STAMBPL1: variants seen among roughly 807,000 people sequenced by gnomAD.
STAMBPL1 encodes AMSH-like protease.
Under a neutral mutation model 52.9 loss-of-function variants are expected in STAMBPL1, and 44 were observed. The observed-to-expected ratio is 0.83, with a 90% confidence interval of 0.65 to 1.07. The LOEUF (loss-of-function observed/expected upper bound fraction) is 1.07, where lower values mean the gene tolerates loss of function less well. Ranked by LOEUF, STAMBPL1 falls within the 50% of genes least tolerant of loss-of-function variation. STAMBPL1 has a pLI of 0.00. For missense variants in STAMBPL1, 511 were observed against 520.8 expected, an observed-to-expected ratio of 0.98 and a Z score of 0.18; for synonymous variants, 164 against 177.3, an observed-to-expected ratio of 0.92 and a Z score of 0.60.
At chr10:88,907,870 A>G (rs1022751385) in intron 3 of STAMBPL1, among the ~76,000 whole-genome samples, 4 of 152,218 alleles carry the variant, frequency 2.6e-5, no homozygotes, top group African/African-American at 7.2e-5. Flanking sequence ...TGATGAGTAT[A>G]TGTGTGTATG....
intron 1 of STAMBPL1, chr10:88,881,940 G>C (rs953358261): frequency 2.6e-5 from 4 of 152,164 alleles, no homozygotes; most frequent in Non-Finnish European, 5.9e-5. Flanking sequence ...CACCATGAGA[G>C]CTTCTCCATT....
intron 5 of STAMBPL1, among the ~76,000 whole-genome samples, chr10:88,911,312 T>C (rs1845218496): frequency 1.3e-5 from 2 of 152,358 alleles, no homozygotes; most frequent in Non-Finnish European, 1.5e-5. Context: ...TTGAGCCAGA[T>C]GGCTGCTCTT....
chr10:88,885,125 C>A (rs751894074), intron 1 of STAMBPL1, among the ~76,000 whole-genome samples: 2 of 152,136 alleles, frequency 1.3e-5, no homozygotes, highest in African/African-American at 2.4e-5. Context: ...GCATCATAGG[C>A]TGGTAAATGA....
chr10:88,890,330 G>A (rs1489829589), intron 1 of STAMBPL1, among the ~76,000 whole-genome samples: 1 of 152,200 alleles, frequency 6.6e-6, no homozygotes, highest in Non-Finnish European at 1.5e-5. Flanking sequence ...GTTTTTAAAA[G>A]ATCACTACAG....
intron 1 of STAMBPL1, 46 bp from the exon 2 acceptor site, chr10:88,901,610 G>A: frequency 7.8e-7 from 1 of 1,276,828 alleles, no homozygotes; most frequent in Non-Finnish European, 1.1e-6. Context: ...TTTCAAACTT[G>A]GGTCTCAAAA....
chr10:88,917,995 G>A (rs1845411750), intron 8 of STAMBPL1, among the ~76,000 whole-genome samples: 2 of 151,938 alleles, frequency 1.3e-5, no homozygotes, highest in Non-Finnish European at 2.9e-5. Flanking sequence ...CTTTCACAAG[G>A]GTCTTAATAC....
Position 88,922,439 on chromosome 10 carries a change from G to A in STAMBPL1, c.1254+3G>A. 1.9e-6 allele frequency: 3 copies of A among 1,612,566 alleles called. No individual in the cohort carries two copies. The highest frequency in any genetic ancestry group is 2.5e-6 in the Non-Finnish European group (3 of 1,179,134). ...CCAAGGAGCCCAGGCTGTTCAGTGT[G>A]AGTACATCATATTAGTTATTTTTCC... is the stretch of plus-strand genomic sequence containing the variant. On this transcript the variant is annotated splice_donor_region_variant and intron_variant, in intron 10 of 10. Transcript: ENST00000371926.
At chr10:88,886,221 T>G (rs1409479902) in intron 1 of STAMBPL1, among the ~76,000 whole-genome samples, 1 of 152,222 alleles carries the variant, frequency 6.6e-6, no homozygotes, top group African/African-American at 2.4e-5. Context: ...ACATTGAAGA[T>G]GATAGATTTA....
At chr10:88,886,057 G>C (rs182451263) in intron 1 of STAMBPL1, among the ~76,000 whole-genome samples, 23 of 152,322 alleles carry the variant, frequency 1.5e-4, no homozygotes, top group Admixed American at 1.4e-3. Context: ...TATGTCAACA[G>C]TGTTACACAA....
At chr10:88,922,463 C>A in intron 10 of STAMBPL1, 27 bp downstream of exon 10, 1 of 1,603,070 alleles carries the variant, frequency 6.2e-7, no homozygotes, top group Non-Finnish European at 8.5e-7. Context: ...AGTTATTTTT[C>A]CAGGTATTTC....
rs564365021 is a variant in STAMBPL1 at position 88,909,596 on chromosome 10, A to ATTAT, written c.324+839_324+842dup. On this transcript the variant is annotated intron_variant, in intron 4 of 10. Transcript: ENST00000371926. The stretch of plus-strand genomic sequence containing the variant: ...CAGATTTTGTCAAATGGTCATCTAC[A>ATTAT]TTATTTATTTATTTATTTATTTAGA... Among the ~76,000 whole-genome samples the ATTAT allele has an allele frequency of 5.5e-3, 834 of 152,098 alleles. 6 individuals carry two copies. The highest frequency in any genetic ancestry group is 0.019 in the African/African-American group (795 of 41,500).
At chr10:88,884,385 G>A (rs558558673) in intron 1 of STAMBPL1, among the ~76,000 whole-genome samples, 2 of 152,152 alleles carry the variant, frequency 1.3e-5, no homozygotes, top group African/African-American at 4.8e-5. Context: ...ATTTGAGGTG[G>A]TAGCCAATTG....
chr10:88,903,867 T>C (rs1301930097), intron 2 of STAMBPL1, among the ~76,000 whole-genome samples: 1 of 152,230 alleles, frequency 6.6e-6, no homozygotes, highest in Non-Finnish European at 1.5e-5. Flanking sequence ...TAATGAAGCC[T>C]TGAGAAACAA....
chr10:88,897,963 A>G (rs1489449256), intron 1 of STAMBPL1, among the ~76,000 whole-genome samples: 1 of 152,358 alleles, frequency 6.6e-6, no homozygotes, highest in South Asian at 2.1e-4. Context: ...GTAAGACCAC[A>G]GTAGCACAAA....
At chr10:88,915,095 GTTTCC>G (rs1010506333) in intron 7 of STAMBPL1, among the ~76,000 whole-genome samples, 54 of 152,166 alleles carry the variant, frequency 3.5e-4, no homozygotes, top group African/African-American at 1.3e-3. Flanking sequence ...GGATTTTGTA[GTTTCC>G]TTTAGTTTAA....
intron 1 of STAMBPL1, among the ~76,000 whole-genome samples, chr10:88,883,268 T>G (rs1299276770): frequency 1.3e-5 from 2 of 152,152 alleles, no homozygotes; most frequent in African/African-American, 4.8e-5. Context: ...TTTCATCAAA[T>G]TGAATCCCAG....
chr10:88,900,074 C>G (rs1844908273), intron 1 of STAMBPL1, among the ~76,000 whole-genome samples: 1 of 152,094 alleles, frequency 6.6e-6, no homozygotes, highest in Non-Finnish European at 1.5e-5. Context: ...CATTTTTTAG[C>G]CTGCAGGCTT....
chr10:88,905,676 G>A lies in STAMBPL1; in HGVS notation c.248+16G>A. 2 of 1,585,678 alleles carry A rather than the reference G, an allele frequency of 1.3e-6. No individual in the cohort carries two copies. Among genetic ancestry groups the A allele is most frequent in the East Asian group, 2.2e-5 (1 of 44,600 alleles). On this transcript the variant is annotated intron_variant, in intron 3 of 10. Coordinates refer to ENST00000371926, the MANE Select transcript of STAMBPL1 (RefSeq NM_020799.4). ...AATTTATAACGTAAGTGTTTTAAAGGCCTCTGAAGTGAGAAAATTGGAAAA... is the reference window on the plus strand; with the variant it reads ...AATTTATAACGTAAGTGTTTTAAAGACCTCTGAAGTGAGAAAATTGGAAAA...
intron 8 of STAMBPL1, among the ~76,000 whole-genome samples, chr10:88,920,534 G>T (rs887319751): frequency 3.9e-5 from 6 of 152,082 alleles, no homozygotes; most frequent in African/African-American, 1.2e-4. Context: ...AGTAATTAGG[G>T]TTTAATATGA....
Sources: allele counts gnomAD v4.1 joint callset (sites outside exome capture counted in the v4.1 genomes callset), GRCh38; gene constraint gnomAD v4.1.1; transcripts MANE v1.5; gene names NCBI Gene and HGNC (gene_info 2026-07-23, HGNC 2026-07-21).